SCAPER: variants seen among roughly 807,000 people sequenced by gnomAD.
The protein encoded by SCAPER is S phase cyclin A-associated protein in the endoplasmic reticulum.
Under a neutral mutation model 182.2 loss-of-function variants are expected in SCAPER, and 98 were observed. The observed-to-expected ratio is 0.54, with a 90% CI of 0.46 to 0.64. The LOEUF is 0.64. SCAPER is among the 30% of genes least tolerant of loss of function. The pLI, the probability that SCAPER is intolerant of heterozygous loss-of-function variation, is 0.00. For missense variants in SCAPER, 1,432 were observed against 1,690.0 expected (o/e 0.85, Z 2.68); for synonymous variants, 605 against 564.6 (o/e 1.07, Z -1.01).
At chr15:76,546,632 C>G (rs555398861) in intron 23 of SCAPER, among the ~76,000 whole-genome samples, 1 of 152,068 alleles carries the variant, frequency 6.6e-6, no homozygotes, top group South Asian at 2.1e-4. Flanking sequence ...ATACTTCTCT[C>G]TCTCTCTCTC....
intron 24 of SCAPER, among the ~76,000 whole-genome samples, chr15:76,496,659 C>T (rs1357110726): frequency 1.3e-5 from 2 of 152,148 alleles, no homozygotes; most frequent in Non-Finnish European, 2.9e-5. Context: ...AAAGTTCAGT[C>T]AGTCCCAGCT....
rs766909312 is a variant in SCAPER, at chr15:76,504,984, A to C, written c.2839-10T>G. On this transcript the variant is annotated splice_polypyrimidine_tract_variant and intron_variant, in intron 23 of 31. Transcript: ENST00000563290. ...TCTGATCTGCCACATTCTAGACAGA[A>C]ATACAAACAGAAGTTAGCCCAATTT... 6.2e-7 allele frequency: 1 copy of C among 1,606,548 alleles called. No homozygotes were observed. Among genetic ancestry groups the C allele is most frequent in the Admixed American group, 1.7e-5 (1 of 59,032 alleles).
intron 8 of SCAPER, among the ~76,000 whole-genome samples, chr15:76,785,877 G>C (rs767632045): frequency 2.0e-5 from 3 of 152,076 alleles, no homozygotes; most frequent in Non-Finnish European, 4.4e-5. Flanking sequence ...GGCCTGTCGT[G>C]GGGTGAGGGA....
Position 76,743,207 on chromosome 15 carries a change from T to C in SCAPER, c.1867-9823A>G, listed in dbSNP as rs191819881. On this transcript the variant is annotated intron_variant, in intron 15 of 31. Coordinates refer to ENST00000563290, the MANE Select transcript of SCAPER (RefSeq NM_020843.4). Reference sequence around the variant, plus strand: ...CGTCACTATGATAATAAAAATACTTTTGAATAAGGAAAAAAATACCATGTC... The same window carrying C: ...CGTCACTATGATAATAAAAATACTTCTGAATAAGGAAAAAAATACCATGTC... Among the ~76,000 whole-genome samples, 229 of 152,176 alleles carry C rather than the reference T, an allele frequency of 1.5e-3. 1 individual carries two copies. The highest frequency in any genetic ancestry group is 2.5e-3 in the Non-Finnish European group (169 of 67,950).
At chr15:76,803,735 G>C (rs1030294666) in intron 6 of SCAPER, among the ~76,000 whole-genome samples, 1 of 151,888 alleles carries the variant, frequency 6.6e-6, no homozygotes, top group Non-Finnish European at 1.5e-5. Context: ...CCACTCATAA[G>C]GGCTCCACCT....
At chr15:76,867,049 A>G (rs962438213) in intron 2 of SCAPER, among the ~76,000 whole-genome samples, 21 of 152,204 alleles carry the variant, frequency 1.4e-4, no homozygotes, top group African/African-American at 5.1e-4. Context: ...AGTGTTTACA[A>G]TAGTTACCAA....
chr15:76,738,358 T>G (rs957424616), intron 15 of SCAPER, among the ~76,000 whole-genome samples: 1 of 152,186 alleles, frequency 6.6e-6, no homozygotes, highest in African/African-American at 2.4e-5. Flanking sequence ...GCCCAGTTTT[T>G]GACAAGCCTT....
intron 30 of SCAPER, among the ~76,000 whole-genome samples, chr15:76,351,534 C>G (rs1329424775): frequency 6.6e-6 from 1 of 152,158 alleles, no homozygotes; most frequent in Non-Finnish European, 1.5e-5. Context: ...AACTTTTTAT[C>G]TAATAAAACT....
chr15:76,848,781 T>C (rs557322659), intron 4 of SCAPER, among the ~76,000 whole-genome samples: 1 of 152,224 alleles, frequency 6.6e-6, no homozygotes, highest in Admixed American at 6.5e-5. Context: ...ATCAACTGGT[T>C]TTTTAGTATT....
rs7165123 is a variant in SCAPER at position 76,848,569 on chromosome 15, C to G, written c.196-6638G>C. Among the ~76,000 whole-genome samples the G allele has an allele frequency of 5.2e-3, 735 of 140,342 alleles. 3 individuals carry two copies. Among genetic ancestry groups the G allele is most frequent in the Non-Finnish European group, 8.5e-3 (547 of 64,222 alleles). 92.1% of individuals were successfully genotyped at this position (140,342 alleles called of 152,430 possible). On this transcript the variant is annotated intron_variant, in intron 4 of 31. Coordinates refer to ENST00000563290, the MANE Select transcript of SCAPER (RefSeq NM_020843.4). ...CAGGATGGTCTCGATCTCCTGACCT[C>G]GCGATCTGCCCACCTCGGCCTCCCA... is the stretch of plus-strand genomic sequence containing the variant.
In SCAPER at chr15:76,714,353, T is replaced by C. The variant is rs77997153; in HGVS notation, c.2166-8369A>G. Among the ~76,000 whole-genome samples, 1,242 of 152,278 alleles carry C rather than the reference T, an allele frequency of 8.2e-3. 13 individuals are homozygous for C. The highest frequency in any genetic ancestry group is 0.028 in the African/African-American group (1,178 of 41,556). Reference sequence around the variant, plus strand: ...AAGTTGTGAAAAAAAATTTAACTGTTAATTTCAATTTCAAGCAAGGTTGTG... The same window carrying C: ...AAGTTGTGAAAAAAAATTTAACTGTCAATTTCAATTTCAAGCAAGGTTGTG... On this transcript the variant is annotated intron_variant, in intron 17 of 31. Transcript: ENST00000563290.
At chr15:76,729,672 C>G (rs1040419873) in intron 16 of SCAPER, among the ~76,000 whole-genome samples, 1 of 152,022 alleles carries the variant, frequency 6.6e-6, no homozygotes, top group African/African-American at 2.4e-5. Context: ...CTGTGCCTTA[C>G]TTTTCTAGAA....
intron 25 of SCAPER, among the ~76,000 whole-genome samples, chr15:76,462,196 C>A (rs1256347881): frequency 3.3e-5 from 5 of 152,166 alleles, no homozygotes; most frequent in Admixed American, 3.3e-4. Flanking sequence ...ATGCTGAAAG[C>A]CATACAACCA....
Position 76,376,230 on chromosome 15 carries a change from A to G in SCAPER, c.3787T>C (p.Cys1263Arg). ...SLLGHCSQVS[C>R]ESLLHEVIVC... ...ATGACCTCATGAAGGAGGCTTTCAC[A>G]GGAGACTTGGCTGCAGTGGCCCAGC... Residue 1263 changes from cysteine (C) to arginine (R), a missense_variant, in exon 29 of 32, where the codon TGT (cysteine) becomes CGT (arginine). By Grantham distance (180) the Cys-to-Arg change is radical. Coordinates refer to ENST00000563290, the MANE Select transcript of SCAPER (RefSeq NM_020843.4). 1 of 1,614,048 alleles carries G rather than the reference A, an allele frequency of 6.2e-7. No homozygotes were observed. Among genetic ancestry groups the G allele is most frequent in the Non-Finnish European group, 8.5e-7 (1 of 1,179,892 alleles).
At chr15:76,872,299 T>C (rs1440177688) in intron 2 of SCAPER, among the ~76,000 whole-genome samples, 2 of 152,086 alleles carry the variant, frequency 1.3e-5, no homozygotes, top group Non-Finnish European at 2.9e-5. Context: ...TGAAAGGGAA[T>C]GGCTTTAAAA....
chr15:76,566,492 T>C (rs1000210243), intron 23 of SCAPER, among the ~76,000 whole-genome samples: 1 of 152,146 alleles, frequency 6.6e-6, no homozygotes, highest in Admixed American at 6.6e-5. Context: ...AACTGTTTAC[T>C]TATAGTAACA....
At chr15:76,577,578 A>G (rs941015613) in intron 22 of SCAPER, among the ~76,000 whole-genome samples, 1 of 152,152 alleles carries the variant, frequency 6.6e-6, no homozygotes, top group Non-Finnish European at 1.5e-5. Flanking sequence ...CCTGGATGGT[A>G]TTTTTAGACA....
At chr15:76,353,611 G>C (rs543659004) in intron 30 of SCAPER, among the ~76,000 whole-genome samples, 35 of 152,160 alleles carry the variant, frequency 2.3e-4, no homozygotes, top group Middle Eastern at 3.4e-3. Context: ...ATTTCCTATA[G>C]TTAGAATAAA....
intron 25 of SCAPER, among the ~76,000 whole-genome samples, chr15:76,452,782 T>C (rs2048461889): frequency 6.6e-6 from 1 of 152,244 alleles, no homozygotes. Flanking sequence ...TTAAAATATT[T>C]GTGTGTTTTT....
Sources: allele counts gnomAD v4.1 joint callset (sites outside exome capture counted in the v4.1 genomes callset), GRCh38; gene constraint gnomAD v4.1.1; transcripts MANE v1.5; gene names NCBI Gene and HGNC (gene_info 2026-07-23, HGNC 2026-07-21).